The following CAMK2D variants were observed in gnomAD, a reference collection of about 807,000 sequenced individuals.
CAMK2D encodes the protein calcium/calmodulin dependent protein kinase II delta.
In CAMK2D, 37 loss-of-function variants were observed where a neutral mutation model predicts 84.0. That is an observed-to-expected ratio of 0.44 (90% CI 0.34 to 0.58). The LOEUF (loss-of-function observed/expected upper bound fraction) is 0.58. CAMK2D is among the 20% of genes least tolerant of loss of function. The pLI, the probability that CAMK2D is intolerant of heterozygous loss-of-function variation, is 0.02. For missense variants in CAMK2D, 448 were observed against 652.5 expected (o/e 0.69, Z 3.41); for synonymous variants, 202 against 212.5 (o/e 0.95, Z 0.43).
intron 16 of CAMK2D, among the ~76,000 whole-genome samples, chr4:113,471,892 T>G (rs914111056): frequency 2.0e-5 from 3 of 151,694 alleles, no homozygotes; most frequent in African/African-American, 7.3e-5. Context: ...CTGCTTTATC[T>G]CTTGACACTT....
Position 113,661,775 on chromosome 4 carries a change from G to GT in CAMK2D, c.161-4dup. On this transcript the variant is annotated splice_region_variant and splice_polypyrimidine_tract_variant and intron_variant, in intron 2 of 20. Coordinates refer to ENST00000511664, the MANE Select transcript of CAMK2D (RefSeq NM_001321571.2). The stretch of plus-strand genomic sequence containing the variant: ...TTCTCTTTCTAGTTTCTGATGATCT[G>GT]TTAAAAAAAAAAACAGAATAAGGCA... 3 of 1,415,190 alleles carry GT rather than the reference G, an allele frequency of 2.1e-6. No homozygotes were observed. The highest frequency in any genetic ancestry group is 2.9e-6 in the Non-Finnish European group (3 of 1,036,918). 87.7% of individuals were successfully genotyped at this position (1,415,190 alleles called of 1,614,324 possible).
chr4:113,691,365 T>C (rs755114379), intron 2 of CAMK2D, among the ~76,000 whole-genome samples: 6 of 152,206 alleles, frequency 3.9e-5, no homozygotes, highest in Non-Finnish European at 8.8e-5. Context: ...TGGAAAGAAG[T>C]GCACATGCTA....
rs1474254318 is a variant in CAMK2D at position 113,453,810 on chromosome 4, ACAATT to A, written c.*730_*734del. The stretch of plus-strand genomic sequence containing the variant: ...GAGATCACAGATTTGAGAAAGAAAA[ACAATT>A]CAATTCAGCAAATTCACCAAAACAA... On this transcript the variant is annotated 3_prime_UTR_variant, in exon 21 of 21. Coordinates refer to ENST00000511664, the MANE Select transcript of CAMK2D (RefSeq NM_001321571.2). The A allele has an allele frequency of 2.6e-5, 4 of 152,618 alleles. No individual in the cohort carries two copies. The highest frequency in any genetic ancestry group is 7.2e-5 in the African/African-American group (3 of 41,462). 9.5% of individuals were successfully genotyped at this position (152,618 alleles called of 1,614,324 possible).
intron 16 of CAMK2D, among the ~76,000 whole-genome samples, chr4:113,475,218 TG>T (rs1395420601): frequency 6.6e-6 from 1 of 152,232 alleles, no homozygotes; most frequent in Non-Finnish European, 1.5e-5. Context: ...CACATTTTCC[TG>T]AGTAAATAAA....
chr4:113,694,468 A>G (rs1165341713), intron 2 of CAMK2D, among the ~76,000 whole-genome samples: 3 of 152,196 alleles, frequency 2.0e-5, no homozygotes, highest in East Asian at 1.9e-4. Context: ...ATCTCTATGA[A>G]TGAAAAAGCC....
chr4:113,461,957 A>G (rs948708702), intron 17 of CAMK2D, among the ~76,000 whole-genome samples: 1 of 152,184 alleles, frequency 6.6e-6, no homozygotes, highest in African/African-American at 2.4e-5. Context: ...TTGTGCCTTA[A>G]AGATGATGGG....
At chr4:113,523,181 C>G (rs935511119) in intron 8 of CAMK2D, among the ~76,000 whole-genome samples, 5 of 152,176 alleles carry the variant, frequency 3.3e-5, no homozygotes, top group African/African-American at 1.2e-4. Context: ...TGTTTATAAG[C>G]CACGCAGTCT....
intron 2 of CAMK2D, among the ~76,000 whole-genome samples, chr4:113,725,751 T>A (rs898468642): frequency 3.9e-5 from 6 of 152,022 alleles, no homozygotes; most frequent in African/African-American, 1.2e-4. Flanking sequence ...GAAAAAAAAA[T>A]TTACTGAGTT....
intron 2 of CAMK2D, chr4:113,679,490 T>G (rs1422204580): frequency 1.1e-6 from 1 of 949,016 alleles, no homozygotes; most frequent in East Asian, 1.2e-4. Context: ...TCTCTGCTTT[T>G]TCTGTCCTGA....
chr4:113,736,416 T>C (rs2099581477), intron 2 of CAMK2D, among the ~76,000 whole-genome samples: 1 of 152,220 alleles, frequency 6.6e-6, no homozygotes, highest in African/African-American at 2.4e-5. Context: ...TATACTAATG[T>C]AGAAAGGCAA....
intron 5 of CAMK2D, chr4:113,548,749 G>A: frequency 7.9e-7 from 1 of 1,259,696 alleles, no homozygotes; most frequent in East Asian, 2.3e-5. Flanking sequence ...TACAAGGGCA[G>A]AATGGAAGGG....
chr4:113,585,675 A>ATATAGTATAGATTAG (rs2098830744), intron 4 of CAMK2D, among the ~76,000 whole-genome samples: 2 of 13,708 alleles, frequency 1.5e-4, no homozygotes, highest in African/African-American at 2.6e-4. Context: ...ATAGATTAGT[A>ATATAGTATAGATTAG]TATATATAGT....
chr4:113,458,685 C>G (rs1421371183), intron 18 of CAMK2D, among the ~76,000 whole-genome samples: 1 of 152,056 alleles, frequency 6.6e-6, no homozygotes, highest in African/African-American at 2.4e-5. Flanking sequence ...TCAAATAGTT[C>G]TTTTTGTTTA....
intron 2 of CAMK2D, among the ~76,000 whole-genome samples, chr4:113,691,777 A>T (rs1482167644): frequency 1.3e-5 from 2 of 151,812 alleles, no homozygotes; most frequent in Non-Finnish European, 2.9e-5. Flanking sequence ...AATAAAAATA[A>T]AATGAGTAAA....
chr4:113,505,075 C>A (rs1252238887), intron 13 of CAMK2D, 40 bp from the exon 14 acceptor site: 3 of 1,293,996 alleles, frequency 2.3e-6, no homozygotes, highest in East Asian at 2.4e-5. Context: ...ATGCCTTAAA[C>A]CCCTTGGTAG....
Position 113,454,319 on chromosome 4 carries a change from A to G in CAMK2D, c.*226T>C, listed in dbSNP as rs1589590038. ...ACAGTAATTTAAGTTTGTGTGGAAC[A>G]TCCCCGTAGTTGAAGTGTAAACAAT... On this transcript the variant is annotated 3_prime_UTR_variant, in exon 21 of 21. Coordinates refer to ENST00000511664, the MANE Select transcript of CAMK2D (RefSeq NM_001321571.2). The G allele has an allele frequency of 2.5e-6, 1 of 401,852 alleles. No homozygotes were observed. The highest frequency in any genetic ancestry group is 4.5e-6 in the Non-Finnish European group (1 of 220,312). 24.9% of individuals were successfully genotyped at this position (401,852 alleles called of 1,614,324 possible). A position where few individuals can be genotyped will look rare whatever the true frequency, so the allele number is the denominator to read the frequency against.
At chr4:113,595,080 G>A (rs1381042670) in intron 4 of CAMK2D, among the ~76,000 whole-genome samples, 5 of 151,970 alleles carry the variant, frequency 3.3e-5, no homozygotes, top group Non-Finnish European at 5.9e-5. Flanking sequence ...TCTTTACAAA[G>A]ATTCTCAGAA....
At chr4:113,506,996 T>G (rs1016846349) in intron 13 of CAMK2D, among the ~76,000 whole-genome samples, 3 of 152,064 alleles carry the variant, frequency 2.0e-5, no homozygotes, top group Non-Finnish European at 4.4e-5. Flanking sequence ...GGTGAGCCAT[T>G]CTTTATTGTT....
intron 4 of CAMK2D, among the ~76,000 whole-genome samples, chr4:113,572,336 A>G (rs1168103573): frequency 6.6e-6 from 1 of 152,112 alleles, no homozygotes; most frequent in East Asian, 1.9e-4. Context: ...GAGACTATTT[A>G]TAAGATTTAA....
Sources: allele counts gnomAD v4.1 joint callset (sites outside exome capture counted in the v4.1 genomes callset), GRCh38; gene constraint gnomAD v4.1.1; transcripts MANE v1.5; gene names NCBI Gene and HGNC (gene_info 2026-07-23, HGNC 2026-07-21).